The following SLC39A11 variants were observed in gnomAD, a reference collection of about 807,000 sequenced individuals.
The protein encoded by SLC39A11 is zinc transporter ZIP11.
SLC39A11 carries 33 observed loss-of-function variants against 36.1 expected under a neutral mutation model. That is an observed-to-expected ratio of 0.91 (90% confidence interval 0.69 to 1.22). The LOEUF is 1.22. Among genes scored for constraint, SLC39A11 ranks in the 50% most tolerant of loss-of-function variants. The probability of loss-of-function intolerance (pLI) is 0.00; values close to 1 mark genes in which losing one functional copy is unlikely to be tolerated. For synonymous variants in SLC39A11, 166 were observed against 170.3 expected (o/e 0.97, Z 0.20); for missense variants, 432 against 430.3 (o/e 1.00, Z -0.03).
chr17:72,873,976 G>C (rs933335095), intron 5 of SLC39A11, among the ~76,000 whole-genome samples: 1 of 152,126 alleles, frequency 6.6e-6, no homozygotes, highest in African/African-American at 2.4e-5. Context: ...TTCTTGTGCT[G>C]CCTGTGAAGA....
chr17:72,920,869 C>T (rs1366237957), intron 5 of SLC39A11, among the ~76,000 whole-genome samples: 1 of 151,578 alleles, frequency 6.6e-6, no homozygotes, highest in East Asian at 1.9e-4. Context: ...TCTACAACAT[C>T]TACACCCCAT....
chr17:73,074,064 A>T (rs1193285558), intron 3 of SLC39A11, among the ~76,000 whole-genome samples: 1 of 151,782 alleles, frequency 6.6e-6, no homozygotes, highest in Non-Finnish European at 1.5e-5. Context: ...AAAAAAAGGT[A>T]GCAGCAATTA....
intron 7 of SLC39A11, among the ~76,000 whole-genome samples, chr17:72,700,133 C>T (rs2072540328): frequency 6.6e-6 from 1 of 152,200 alleles, no homozygotes; most frequent in Admixed American, 6.5e-5. Flanking sequence ...GGACATGATG[C>T]TGCTGGCTTC....
intron 5 of SLC39A11, among the ~76,000 whole-genome samples, chr17:72,924,231 G>T (rs376447112): frequency 6.7e-6 from 1 of 148,674 alleles, no homozygotes; most frequent in Non-Finnish European, 1.5e-5. Context: ...CTAAGGGCAC[G>T]TTAAAGTCTC....
intron 3 of SLC39A11, among the ~76,000 whole-genome samples, chr17:73,077,957 C>A (rs60891163): frequency 2.8e-4 from 42 of 152,080 alleles, no homozygotes; most frequent in Non-Finnish European, 4.9e-4. Flanking sequence ...AAAAGAGTAA[C>A]CTAGGGCACA....
intron 3 of SLC39A11, among the ~76,000 whole-genome samples, chr17:73,074,967 CA>C (rs2060274958): frequency 6.6e-6 from 1 of 152,166 alleles, no homozygotes; most frequent in African/African-American, 2.4e-5. Flanking sequence ...TGCACTGATA[CA>C]GAGATTCCTA....
At chr17:72,974,037 T>C (rs1293012011) in intron 4 of SLC39A11, among the ~76,000 whole-genome samples, 3 of 152,202 alleles carry the variant, frequency 2.0e-5, no homozygotes, top group Non-Finnish European at 4.4e-5. Context: ...GAAAGATTCC[T>C]ATTGCCTAGT....
intron 4 of SLC39A11, among the ~76,000 whole-genome samples, chr17:72,983,655 A>G (rs1231434414): frequency 6.6e-6 from 1 of 152,230 alleles, no homozygotes; most frequent in African/African-American, 2.4e-5. Flanking sequence ...AGGAAATAAA[A>G]TAAGTAACCA....
At chr17:72,735,101 A>G (rs1378942917) in intron 7 of SLC39A11, among the ~76,000 whole-genome samples, 1 of 152,208 alleles carries the variant, frequency 6.6e-6, no homozygotes, top group African/African-American at 2.4e-5. Context: ...GATTTTCACC[A>G]TAAGCATCAT....
intron 6 of SLC39A11, among the ~76,000 whole-genome samples, chr17:72,814,356 G>A (rs528816569): frequency 3.4e-4 from 52 of 152,286 alleles, no homozygotes; most frequent in East Asian, 2.1e-3. Flanking sequence ...CATGGAAGGC[G>A]GAGAGACAAG....
intron 4 of SLC39A11, among the ~76,000 whole-genome samples, chr17:73,015,857 C>T (rs574649024): frequency 6.6e-6 from 1 of 152,188 alleles, no homozygotes; most frequent in Non-Finnish European, 1.5e-5. Flanking sequence ...GCTGGGATTA[C>T]AGGTGTGAGC....
intron 7 of SLC39A11, among the ~76,000 whole-genome samples, chr17:72,680,597 C>T (rs997514202): frequency 1.3e-5 from 2 of 152,200 alleles, no homozygotes; most frequent in African/African-American, 4.8e-5. Flanking sequence ...CCTCCCCAGC[C>T]ATGTGGAACT....
chr17:72,752,148 C>T (rs770623020), intron 6 of SLC39A11, among the ~76,000 whole-genome samples: 1 of 152,150 alleles, frequency 6.6e-6, no homozygotes, highest in African/African-American at 2.4e-5. Context: ...ACTTCTGAAC[C>T]CTGACATAGA....
At chr17:72,865,425 AAAC>A (rs1555607553) in intron 5 of SLC39A11, among the ~76,000 whole-genome samples, 1 of 151,700 alleles carries the variant, frequency 6.6e-6, no homozygotes, top group South Asian at 2.1e-4. Context: ...AAAAAAAAAA[AAAC>A]AACTTTGGGC....
rs532043168 is a variant in SLC39A11 at position 72,759,893 on chromosome 17, G to C, written c.602-23174C>G. 9.8e-5 allele frequency among the ~76,000 whole-genome samples: 15 copies of C among 152,332 alleles called. No homozygotes were observed. In the East Asian group the frequency reaches 2.9e-3, roughly 29 times the overall value. ...GCTCCAAACAAGGAAGCGCTGTCTT[G>C]TAATTAGTTACCTGTGCGGGGCCCC... is the stretch of plus-strand genomic sequence containing the variant. On this transcript the variant is annotated intron_variant, in intron 6 of 9. Coordinates refer to ENST00000255559, the MANE Select transcript of SLC39A11 (RefSeq NM_139177.4).
intron 5 of SLC39A11, among the ~76,000 whole-genome samples, chr17:72,927,208 A>C (rs1266471502): frequency 6.6e-6 from 1 of 151,140 alleles, no homozygotes; most frequent in Non-Finnish European, 1.5e-5. Flanking sequence ...CACCATGCCC[A>C]GCTAACTTTT....
At chr17:72,948,973 GGAGA>G (rs1389660472) in intron 4 of SLC39A11, among the ~76,000 whole-genome samples, 1 of 151,954 alleles carries the variant, frequency 6.6e-6, no homozygotes, top group East Asian at 1.9e-4. Flanking sequence ...ACAAGGCAGA[GGAGA>G]GACTCAACCA....
chr17:73,077,039 T>C (rs1459890792), intron 3 of SLC39A11, among the ~76,000 whole-genome samples: 1 of 152,072 alleles, frequency 6.6e-6, no homozygotes. Flanking sequence ...AGGGCAACAT[T>C]GCCCTCGGTT....
At chr17:73,087,141 C>G (rs2060760276) in intron 2 of SLC39A11, among the ~76,000 whole-genome samples, 1 of 152,104 alleles carries the variant, frequency 6.6e-6, no homozygotes, top group Non-Finnish European at 1.5e-5. Context: ...CTCTGTGGCC[C>G]CTGGCAATCA....
Sources: allele counts gnomAD v4.1 joint callset (sites outside exome capture counted in the v4.1 genomes callset), GRCh38; gene constraint gnomAD v4.1.1; transcripts MANE v1.5; gene names NCBI Gene and HGNC (gene_info 2026-07-23, HGNC 2026-07-21).